Variants in ANKFN1 observed in about 807,000 individuals in gnomAD.
The protein encoded by ANKFN1 is ankyrin repeat and fibronectin type III domain containing 1.
Under a neutral mutation model 108.7 loss-of-function variants are expected in ANKFN1, and 74 were observed. The ratio of observed to expected loss-of-function variants is 0.68; its 90% confidence interval spans 0.56 to 0.83. ANKFN1 has a LOEUF of 0.83. Among genes scored for constraint, ANKFN1 ranks in the 40% least tolerant of loss-of-function variants. The pLI, the probability that ANKFN1 is intolerant of heterozygous loss-of-function variation, is 0.00. For synonymous variants in ANKFN1, 547 were observed against 516.2 expected (o/e 1.06, Z -0.81); for missense variants, 1,505 against 1,382.3 (o/e 1.09, Z -1.41).
chr17:56,401,183 G>A (rs2047750109), intron 8 of ANKFN1, among the ~76,000 whole-genome samples: 1 of 152,060 alleles, frequency 6.6e-6, no homozygotes, highest in African/African-American at 2.4e-5. Flanking sequence ...TTGGCAGTAT[G>A]GTCATTTTCA....
chr17:56,181,394 A>G (rs1911663511), intron 1 of ANKFN1, among the ~76,000 whole-genome samples: 2 of 152,208 alleles, frequency 1.3e-5, no homozygotes, highest in Admixed American at 6.5e-5. Context: ...AAAGCACTTT[A>G]TATAAATAGT....
At chr17:56,261,182 A>G (rs1416508216) in intron 3 of ANKFN1, among the ~76,000 whole-genome samples, 2 of 152,178 alleles carry the variant, frequency 1.3e-5, no homozygotes, top group African/African-American at 2.4e-5. Flanking sequence ...CTTTCCTCCC[A>G]GATACTATAT....
At chr17:56,064,326 A>C (rs1253404271) in intron 4 of ANKFN1, among the ~76,000 whole-genome samples, 1 of 152,204 alleles carries the variant, frequency 6.6e-6, no homozygotes, top group Non-Finnish European at 1.5e-5. Flanking sequence ...CTGTACTAAC[A>C]GGAGGAAAGG....
chr17:56,117,266 A>T (rs1203476175), intron 4 of ANKFN1, among the ~76,000 whole-genome samples: 1 of 152,184 alleles, frequency 6.6e-6, no homozygotes, highest in Admixed American at 6.5e-5. Flanking sequence ...CTATGAATAC[A>T]TGTAGTGACA....
intron 3 of ANKFN1, among the ~76,000 whole-genome samples, chr17:56,297,093 T>G (rs1453012038): frequency 6.6e-6 from 1 of 152,166 alleles, no homozygotes; most frequent in African/African-American, 2.4e-5. Flanking sequence ...AGTCACTGAT[T>G]TTGGTGAACT....
intron 3 of ANKFN1, among the ~76,000 whole-genome samples, chr17:56,284,828 A>G (rs1376495450): frequency 6.6e-6 from 1 of 152,208 alleles, no homozygotes; most frequent in Non-Finnish European, 1.5e-5. Flanking sequence ...ATTCCCAGTC[A>G]GCCCTAAAGA....
At chr17:56,265,619 A>G (rs534802364) in intron 3 of ANKFN1, among the ~76,000 whole-genome samples, 6 of 152,318 alleles carry the variant, frequency 3.9e-5, no homozygotes, top group Non-Finnish European at 8.8e-5. Context: ...AGGACTGTAC[A>G]GCTGGCCTTC....
intron 8 of ANKFN1, among the ~76,000 whole-genome samples, chr17:56,436,442 C>A (rs183950996): frequency 6.6e-6 from 1 of 152,150 alleles, no homozygotes; most frequent in African/African-American, 2.4e-5. Flanking sequence ...CCGGCTTATA[C>A]GTGATTTTCT....
At chr17:56,207,776 T>C (rs1057299625) in intron 1 of ANKFN1, among the ~76,000 whole-genome samples, 2 of 152,156 alleles carry the variant, frequency 1.3e-5, no homozygotes, top group African/African-American at 4.8e-5. Context: ...TTGCTTTTCA[T>C]CCCCATTCAT....
chr17:56,090,214 A>T (rs1161093374), intron 4 of ANKFN1, among the ~76,000 whole-genome samples: 1 of 151,280 alleles, frequency 6.6e-6, no homozygotes, highest in East Asian at 1.9e-4. Context: ...TGTATGAGCC[A>T]GAATGTGAGC....
chr17:56,172,678 C>T (rs749851825), intron 1 of ANKFN1, among the ~76,000 whole-genome samples: 1 of 152,168 alleles, frequency 6.6e-6, no homozygotes, highest in Non-Finnish European at 1.5e-5. Flanking sequence ...GAGACAGGAG[C>T]ATGGGATGTA....
intron 8 of ANKFN1, among the ~76,000 whole-genome samples, chr17:56,404,069 A>C (rs1598540980): frequency 6.6e-6 from 1 of 152,050 alleles, no homozygotes; most frequent in East Asian, 1.9e-4. Flanking sequence ...AGGTTACCTG[A>C]TGCTTCTGTC....
intron 3 of ANKFN1, among the ~76,000 whole-genome samples, chr17:56,266,711 A>G (rs2043661367): frequency 6.6e-6 from 1 of 152,136 alleles, no homozygotes; most frequent in African/African-American, 2.4e-5. Flanking sequence ...CATCTTTTGT[A>G]AATTTGCTGT....
chr17:56,047,395 C>G (rs1331242832), intron 4 of ANKFN1, among the ~76,000 whole-genome samples: 1 of 152,060 alleles, frequency 6.6e-6, no homozygotes, highest in African/African-American at 2.4e-5. Flanking sequence ...GAGCACTCTG[C>G]TTATCCTTAG....
At chr17:56,411,838 C>T (rs565686267) in intron 8 of ANKFN1, among the ~76,000 whole-genome samples, 1 of 152,108 alleles carries the variant, frequency 6.6e-6, no homozygotes, top group East Asian at 1.9e-4. Flanking sequence ...GGAATGAATC[C>T]CACTTCATCA....
upstream of ANKFN1, among the ~76,000 whole-genome samples, chr17:56,148,808 A>G (rs1400304793): frequency 2.0e-5 from 3 of 152,208 alleles, no homozygotes; most frequent in Non-Finnish European, 2.9e-5. Flanking sequence ...TGACAGATGC[A>G]AACACCCTCT....
intron 3 of ANKFN1, among the ~76,000 whole-genome samples, chr17:56,292,740 C>A (rs1362279842): frequency 6.6e-6 from 1 of 152,080 alleles, no homozygotes; most frequent in Non-Finnish European, 1.5e-5. Flanking sequence ...AAAAAAAAAC[C>A]ACTGCCATCT....
At chr17:56,300,199 G>A (rs1472068146) in intron 3 of ANKFN1, among the ~76,000 whole-genome samples, 1 of 152,050 alleles carries the variant, frequency 6.6e-6, no homozygotes. Context: ...TATAAACAGG[G>A]AATGCTTAGG....
At chr17:56,189,559 A>G (rs1912672474) in intron 1 of ANKFN1, among the ~76,000 whole-genome samples, 1 of 152,190 alleles carries the variant, frequency 6.6e-6, no homozygotes, top group South Asian at 2.1e-4. Flanking sequence ...GTTGGTCAGA[A>G]GTGCAGGTGA....
Sources: allele counts gnomAD v4.1 joint callset (sites outside exome capture counted in the v4.1 genomes callset), GRCh38; gene constraint gnomAD v4.1.1; transcripts MANE v1.5; gene names NCBI Gene and HGNC (gene_info 2026-07-23, HGNC 2026-07-21).